The following HECTD4 variants were observed in gnomAD, a reference collection of about 807,000 sequenced individuals.
HECTD4 encodes the protein HECT domain E3 ubiquitin protein ligase 4.
In HECTD4, 114 loss-of-function variants were observed where a neutral mutation model predicts 471.5. That is an observed-to-expected ratio of 0.24 (90% CI 0.21 to 0.28). The LOEUF is 0.28. HECTD4 is among the 10% of genes least tolerant of loss of function. The pLI, the probability that HECTD4 is intolerant of heterozygous loss-of-function variation, is 1.00. For synonymous variants in HECTD4, 2,012 were observed against 2,256.0 expected (o/e 0.89, Z 3.07); for missense variants, 3,866 against 5,651.5 (o/e 0.68, Z 10.13).
At chr12:112,226,586 C>T in intron 44 of HECTD4, 57 bp downstream of exon 44, 3 of 1,161,266 alleles carry the variant, frequency 2.6e-6, no homozygotes, top group Non-Finnish European at 1.2e-6. Flanking sequence ...TATCAAATTG[C>T]AAATGTGCTG....
At chr12:112,364,795 T>C (rs1222169290) in intron 1 of HECTD4, among the ~76,000 whole-genome samples, 1 of 152,220 alleles carries the variant, frequency 6.6e-6, no homozygotes, top group African/African-American at 2.4e-5. Context: ...TAGAGTCTCA[T>C]GTGAACTACT....
intron 48 of HECTD4, among the ~76,000 whole-genome samples, chr12:112,215,320 C>T (rs2032888063): frequency 6.6e-6 from 1 of 152,168 alleles, no homozygotes; most frequent in Admixed American, 6.6e-5. Flanking sequence ...ATCTCATCAT[C>T]CCAGATTGTT....
In HECTD4 at chr12:112,239,241, C is replaced by T. The variant is rs1468263257; in HGVS notation, c.5106-5G>A. 3 of 1,608,536 alleles carry T rather than the reference C, an allele frequency of 1.9e-6. No homozygotes were observed. On this transcript the variant is annotated splice_polypyrimidine_tract_variant and splice_region_variant and intron_variant, in intron 33 of 75. Coordinates refer to ENST00000682272, the MANE Select transcript of HECTD4 (RefSeq NM_001388303.1). The surrounding 1 kb of genome is among the most constrained non-coding windows in gnomAD (Gnocchi z 4.9). The stretch of plus-strand genomic sequence containing the variant: ...ACCAGGCACTTCTCTTCGCTCCTGA[C>T]AAAGGGTCATGGATTACACTAGATA...
At chr12:112,292,054 C>A (rs535412419) in intron 7 of HECTD4, among the ~76,000 whole-genome samples, 2 of 152,170 alleles carry the variant, frequency 1.3e-5, no homozygotes, top group Non-Finnish European at 2.9e-5. Flanking sequence ...TCCTGCTCAA[C>A]AATTTCCAGG....
Position 112,258,131 on chromosome 12 carries a change from G to C in HECTD4, c.3128+365C>G, listed in dbSNP as rs531457645. ...TTGAACCCAGGAGGTGGAGGTTGCA[G>C]TGAGCTGAGATTGCGCCACTGCACT... is the stretch of plus-strand genomic sequence containing the variant. On this transcript the variant is annotated intron_variant, in intron 20 of 75. Coordinates refer to ENST00000682272, the MANE Select transcript of HECTD4 (RefSeq NM_001388303.1). Among the ~76,000 whole-genome samples, 23 of 151,966 alleles carry C rather than the reference G, an allele frequency of 1.5e-4. 2 individuals carry two copies. Among genetic ancestry groups the C allele is most frequent in the Middle Eastern group, 6.8e-3 (2 of 294 alleles).
chr12:112,352,479 G>A (rs2036264102), intron 1 of HECTD4, among the ~76,000 whole-genome samples: 1 of 151,746 alleles, frequency 6.6e-6, no homozygotes, highest in African/African-American at 2.4e-5. Context: ...GGGATTACAG[G>A]TGCCTGCCAC....
chr12:112,244,236 G>GT (rs2033706603), intron 29 of HECTD4, among the ~76,000 whole-genome samples: 1 of 151,964 alleles, frequency 6.6e-6, no homozygotes, highest in African/African-American at 2.4e-5. Context: ...TATTAAATTG[G>GT]TTTTCCAAAG....
chr12:112,288,467 T>C (rs957134940), intron 7 of HECTD4, among the ~76,000 whole-genome samples: 1 of 151,374 alleles, frequency 6.6e-6, no homozygotes, highest in Non-Finnish European at 1.5e-5. Context: ...AAAAAAAATA[T>C]AAAAATTAGC....
chr12:112,296,951 T>G (rs1383839196), intron 7 of HECTD4, among the ~76,000 whole-genome samples: 668 of 89,292 alleles, frequency 7.5e-3, no homozygotes, highest in Middle Eastern at 0.035. Flanking sequence ...TAGGTGCAGA[T>G]TGTGTAGGTG....
intron 32 of HECTD4, among the ~76,000 whole-genome samples, chr12:112,242,764 A>G (rs760339163): frequency 3.9e-5 from 6 of 152,110 alleles, no homozygotes; most frequent in African/African-American, 7.2e-5. Context: ...TATAAAAATT[A>G]GCCAGGTGTG....
intron 62 of HECTD4, among the ~76,000 whole-genome samples, chr12:112,181,327 T>G (rs963297412): frequency 7.9e-5 from 12 of 152,190 alleles, no homozygotes; most frequent in Non-Finnish European, 1.3e-4. Flanking sequence ...GATACTTTAA[T>G]TTTGACTTTA....
intron 11 of HECTD4, among the ~76,000 whole-genome samples, chr12:112,271,524 C>T (rs1245640303): frequency 1.3e-5 from 2 of 152,166 alleles, no homozygotes; most frequent in Non-Finnish European, 2.9e-5. Context: ...TGGTATTCTT[C>T]CCCCAATCCG....
chr12:112,290,869 A>AAC (rs2034869475), intron 7 of HECTD4, among the ~76,000 whole-genome samples: 1 of 151,544 alleles, frequency 6.6e-6, no homozygotes, highest in African/African-American at 2.4e-5. Context: ...AAAACAAAAA[A>AAC]AAAAAACAAA....
intron 1 of HECTD4, chr12:112,322,502 A>T (rs536049414): frequency 6.5e-6 from 1 of 153,334 alleles, no homozygotes; most frequent in South Asian, 2.1e-4. Flanking sequence ...GAAAAACAGA[A>T]GAAATAAATG....
intron 1 of HECTD4, among the ~76,000 whole-genome samples, chr12:112,326,891 G>C (rs1475335734): frequency 6.6e-6 from 1 of 152,000 alleles, no homozygotes; most frequent in Non-Finnish European, 1.5e-5. Context: ...ATATATATTT[G>C]AGCATATTTC....
chr12:112,167,128 C>G (rs112795380), intron 72 of HECTD4, 189 bp downstream of exon 72: 1 of 509,160 alleles, frequency 2.0e-6, no homozygotes, highest in Non-Finnish European at 3.4e-6. Flanking sequence ...CTGCTGCCAG[C>G]AGGGAGGGAG....
intron 40 of HECTD4, among the ~76,000 whole-genome samples, chr12:112,230,343 C>G (rs2135565788): frequency 6.6e-6 from 1 of 152,270 alleles, no homozygotes; most frequent in East Asian, 1.9e-4. Flanking sequence ...CAGAGGCCTC[C>G]TTGGACTTAG....
chr12:112,265,321 A>G (rs768457129), intron 15 of HECTD4, 26 bp from the exon 16 acceptor site: 15 of 1,424,206 alleles, frequency 1.1e-5, no homozygotes, highest in Admixed American at 3.9e-5. Context: ...AAAATGTAAC[A>G]ATAAAATATT....
At chr12:112,278,310 G>A (rs548383635) in intron 9 of HECTD4, among the ~76,000 whole-genome samples, 11 of 152,184 alleles carry the variant, frequency 7.2e-5, no homozygotes, top group African/African-American at 2.4e-4. Context: ...CCACTGAATT[G>A]TATATTTTAA....
Sources: gnomAD v4.1 joint callset for allele counts (sites outside exome capture counted in the v4.1 genomes callset) on GRCh38, gnomAD v4.1.1 for gene constraint, Gnocchi (gnomAD v3.1) non-coding constraint, MANE v1.5 for transcripts, NCBI Gene and HGNC (gene_info 2026-07-23, HGNC 2026-07-21) for gene names.